PALM2AKAP2: variants seen among roughly 807,000 people sequenced by gnomAD.
PALM2AKAP2 encodes PALM2-AKAP2 fusion protein.
In PALM2AKAP2, 37 loss-of-function variants were observed where a neutral mutation model predicts 71.5. The observed-to-expected ratio is 0.52, with a 90% CI of 0.40 to 0.68. The LOEUF (loss-of-function observed/expected upper bound fraction) is 0.68. Ranked by LOEUF, PALM2AKAP2 falls within the 30% of genes least tolerant of loss-of-function variation. PALM2AKAP2 has a pLI of 0.00. For missense variants in PALM2AKAP2, 1,224 were observed against 1,191.8 expected (o/e 1.03, Z -0.40); for synonymous variants, 468 against 478.8 (o/e 0.98, Z 0.29).
chr9:109,812,831 T>A (rs1213803174), intron 1 of PALM2AKAP2, among the ~76,000 whole-genome samples: 4 of 152,162 alleles, frequency 2.6e-5, no homozygotes, highest in Admixed American at 6.5e-5. Context: ...TGCTCCGTGA[T>A]CTTCCCATGT....
intron 3 of PALM2AKAP2, among the ~76,000 whole-genome samples, chr9:109,905,162 AC>A (rs1382084672): frequency 2.0e-5 from 3 of 152,340 alleles, no homozygotes; most frequent in East Asian, 3.9e-4. Flanking sequence ...GATAAAGTTC[AC>A]CAAAGAATAT....
intron 6 of PALM2AKAP2, among the ~76,000 whole-genome samples, chr9:109,957,982 T>C (rs960844107): frequency 2.6e-5 from 4 of 152,202 alleles, no homozygotes; most frequent in African/African-American, 9.6e-5. Context: ...AAGTCTGTCA[T>C]TGGCCAGCTG....
intron 7 of PALM2AKAP2, among the ~76,000 whole-genome samples, chr9:110,020,445 G>A (rs957101022): frequency 3.3e-5 from 5 of 152,152 alleles, no homozygotes; most frequent in Admixed American, 1.3e-4. Context: ...CACTGTGGGA[G>A]GCCGAGGTGG....
intron 7 of PALM2AKAP2, among the ~76,000 whole-genome samples, chr9:110,031,080 A>G (rs1833269521): frequency 6.6e-6 from 1 of 152,158 alleles, no homozygotes; most frequent in Non-Finnish European, 1.5e-5. Context: ...TGGATTTGTC[A>G]TCATATTTTC....
chr9:109,980,153 C>T (rs1832244241), intron 6 of PALM2AKAP2, among the ~76,000 whole-genome samples: 1 of 152,106 alleles, frequency 6.6e-6, no homozygotes, highest in African/African-American at 2.4e-5. Context: ...TCTCAAGTTC[C>T]AGGAGCTTTG....
At chr9:109,809,194 T>C (rs1827662692) in intron 1 of PALM2AKAP2, among the ~76,000 whole-genome samples, 1 of 152,128 alleles carries the variant, frequency 6.6e-6, no homozygotes, top group Non-Finnish European at 1.5e-5. Context: ...TCCAGAATGG[T>C]AGATCTACTG....
chr9:109,854,171 C>A (rs952679650), intron 1 of PALM2AKAP2, among the ~76,000 whole-genome samples: 2 of 152,180 alleles, frequency 1.3e-5, no homozygotes, highest in African/African-American at 4.8e-5. Flanking sequence ...AGGGTCACTA[C>A]CAGCAGATCA....
chr9:109,679,105 T>C (rs1242134122), intron 1 of PALM2AKAP2, among the ~76,000 whole-genome samples: 1 of 152,202 alleles, frequency 6.6e-6, no homozygotes, highest in Non-Finnish European at 1.5e-5. Flanking sequence ...CTACATTAGC[T>C]TTCTGCTTAT....
chr9:109,749,205 G>A (rs773745962), intron 1 of PALM2AKAP2, among the ~76,000 whole-genome samples: 36 of 152,094 alleles, frequency 2.4e-4, no homozygotes, highest in Non-Finnish European at 3.7e-4. Flanking sequence ...CTTCTAGAAG[G>A]AGTCCACTTG....
intron 1 of PALM2AKAP2, among the ~76,000 whole-genome samples, chr9:109,783,349 A>C (rs1587908398): frequency 6.7e-6 from 1 of 149,944 alleles, no homozygotes; most frequent in African/African-American, 2.5e-5. Flanking sequence ...ACAGAGTCTC[A>C]CTCTGTCACC....
intron 1 of PALM2AKAP2, among the ~76,000 whole-genome samples, chr9:109,808,732 C>T (rs1388906034): frequency 6.6e-6 from 1 of 152,238 alleles, no homozygotes; most frequent in Admixed American, 6.5e-5. Flanking sequence ...CACGGCATGT[C>T]AGAGGTCTTC....
intron 5 of PALM2AKAP2, among the ~76,000 whole-genome samples, chr9:109,928,615 G>A (rs539433559): frequency 3.3e-5 from 5 of 151,664 alleles, no homozygotes; most frequent in Non-Finnish European, 7.4e-5. Flanking sequence ...TATATTGAGG[G>A]GGCTGCTCTG....
rs1413017012 is a variant in PALM2AKAP2 at position 110,101,117 on chromosome 9, A to T, written c.157-35010A>T. On this transcript the variant is annotated intron_variant, in intron 1 of 3. Transcript: ENST00000374525. The stretch of plus-strand genomic sequence containing the variant: ...ATTTGAAGCTCTTGGTCTTGAGACC[A>T]AGCCTCTGCAATGCATCTGGGGTCC... Among the ~76,000 whole-genome samples, 4 of 152,208 alleles carry T rather than the reference A, an allele frequency of 2.6e-5. No individual in the cohort carries two copies. In the South Asian group the frequency reaches 6.2e-4, roughly 24 times the overall value.
intron 7 of PALM2AKAP2, among the ~76,000 whole-genome samples, chr9:110,034,240 C>T (rs1040524304): frequency 5.9e-5 from 9 of 152,188 alleles, no homozygotes; most frequent in Non-Finnish European, 8.8e-5. Context: ...TCACCACAAC[C>T]TCTGCCTCCT....
chr9:109,917,423 G>C (rs2131923523), intron 3 of PALM2AKAP2, among the ~76,000 whole-genome samples: 1 of 151,928 alleles, frequency 6.6e-6, no homozygotes, highest in South Asian at 2.1e-4. Flanking sequence ...TTTAGCACCA[G>C]GTCCCTGTAC....
At chr9:109,685,178 G>GCCT (rs1827790836) in intron 1 of PALM2AKAP2, among the ~76,000 whole-genome samples, 3 of 152,144 alleles carry the variant, frequency 2.0e-5, no homozygotes, top group Admixed American at 2.0e-4. Flanking sequence ...GGACAGAAGG[G>GCCT]AGTATTTTGT....
intron 1 of PALM2AKAP2, among the ~76,000 whole-genome samples, chr9:109,738,807 A>T (rs1828675842): frequency 6.6e-6 from 1 of 152,230 alleles, no homozygotes; most frequent in Non-Finnish European, 1.5e-5. Flanking sequence ...GAATTTTGGC[A>T]TCTTTGATTA....
chr9:109,801,016 G>A (rs1409531939), intron 1 of PALM2AKAP2, among the ~76,000 whole-genome samples: 1 of 152,184 alleles, frequency 6.6e-6, no homozygotes, highest in African/African-American at 2.4e-5. Flanking sequence ...AATTAGCCCA[G>A]TCTGGTTAAT....
At chr9:110,115,648 C>T (rs1211132047) in intron 1 of PALM2AKAP2, among the ~76,000 whole-genome samples, 1 of 152,204 alleles carries the variant, frequency 6.6e-6, no homozygotes, top group Admixed American at 6.5e-5. Flanking sequence ...GCTGCACAGC[C>T]TGGCTTCACA....
Sources: allele counts gnomAD v4.1 joint callset (sites outside exome capture counted in the v4.1 genomes callset), GRCh38; gene constraint gnomAD v4.1.1; transcripts MANE v1.5; gene names NCBI Gene and HGNC (gene_info 2026-07-23, HGNC 2026-07-21).